LANCL1: variants seen among roughly 807,000 people sequenced by gnomAD.
The protein encoded by LANCL1 is glutathione S-transferase LANCL1.
Under a neutral mutation model 50.6 loss-of-function variants are expected in LANCL1, and 50 were observed. That is an observed-to-expected ratio of 0.99 (90% CI 0.79 to 1.25). The LOEUF is 1.25. LANCL1 is among the 50% of genes most tolerant of loss of function. LANCL1 has a pLI of 0.00. For missense variants in LANCL1, 532 were observed against 480.7 expected (o/e 1.11, Z -1.00); for synonymous variants, 188 against 178.6 (o/e 1.05, Z -0.42).
At chr2:210,464,592 AAT>A (rs1693979094) in intron 3 of LANCL1, among the ~76,000 whole-genome samples, 1 of 152,180 alleles carries the variant, frequency 6.6e-6, no homozygotes, top group Non-Finnish European at 1.5e-5. Flanking sequence ...GAATGCACAA[AAT>A]ATATATAGTT....
rs1467560081 is a variant in LANCL1 at position 210,433,000 on chromosome 2, A to T, written c.*1487T>A. On this transcript the variant is annotated 3_prime_UTR_variant, in exon 10 of 10. Transcript: ENST00000450366. Reference sequence around the variant, plus strand: ...TTGGTGCTAAACAGGAGATAATAGGAGACTGCTACCTGCAGGAACCAGTAC... The same window carrying T: ...TTGGTGCTAAACAGGAGATAATAGGTGACTGCTACCTGCAGGAACCAGTAC... The T allele has an allele frequency of 6.5e-6, 1 of 152,768 alleles. No individual in the cohort carries two copies. Among genetic ancestry groups the T allele is most frequent in the Non-Finnish European group, 1.5e-5 (1 of 68,040 alleles). The allele number at this position is 152,768 out of a possible 1,614,324, so 9.5% of individuals were successfully genotyped here.
At chr2:210,447,529 T>A (rs1170270458) in intron 4 of LANCL1, among the ~76,000 whole-genome samples, 1 of 152,184 alleles carries the variant, frequency 6.6e-6, no homozygotes, top group Non-Finnish European at 1.5e-5. Flanking sequence ...GTAAATGAGC[T>A]AAATGCCCCA....
At position 210,436,421 on chromosome 2, in the gene LANCL1, T is replaced by C. The variant is rs777941597; in HGVS notation, c.874-29A>G. On this transcript the variant is annotated intron_variant, in intron 7 of 9. Coordinates refer to ENST00000450366, the MANE Select transcript of LANCL1 (RefSeq NM_006055.3). ...CAGAGGCAAAGGACACATTTTATTA[T>C]ACGGGATATAAAAGAAAGTTCCATT... The C allele has an allele frequency of 1.2e-5, 19 of 1,599,260 alleles. No homozygotes were observed. The Admixed American group carries it at 2.8e-4, about 24-fold the overall frequency.
chr2:210,434,566 G>A lies in LANCL1; in HGVS notation c.1124-3C>T, dbSNP rs1301647204. 6.2e-6 allele frequency: 10 copies of A among 1,612,110 alleles called. No individual in the cohort carries two copies. Among genetic ancestry groups the A allele is most frequent in the Non-Finnish European group, 8.5e-6 (10 of 1,178,850 alleles). ...GAAATATATTGTTCCAGCCATTCCTGAAGAAAGAGAAAGAGGCAAAAGTTA... is the reference window on the plus strand; with the variant it reads ...GAAATATATTGTTCCAGCCATTCCTAAAGAAAGAGAAAGAGGCAAAAGTTA... On this transcript the variant is annotated splice_polypyrimidine_tract_variant and splice_region_variant and intron_variant, in intron 9 of 9. Transcript: ENST00000450366.
chr2:210,467,195 C>A (rs953741130), intron 3 of LANCL1, among the ~76,000 whole-genome samples: 1 of 152,168 alleles, frequency 6.6e-6, no homozygotes, highest in Non-Finnish European at 1.5e-5. Context: ...GACACGGATT[C>A]GTATATGGTA....
intron 4 of LANCL1, among the ~76,000 whole-genome samples, chr2:210,448,476 G>A (rs1414553230): frequency 6.6e-6 from 1 of 152,070 alleles, no homozygotes; most frequent in East Asian, 1.9e-4. Context: ...TCAAAAGCTA[G>A]CAGAAGACAA....
At position 210,433,843 on chromosome 2, in the gene LANCL1, G is replaced by GA. The variant is rs1692827874; in HGVS notation, c.*643dup. 1 of 152,118 alleles carries GA rather than the reference G, an allele frequency of 6.6e-6. No homozygotes were observed. Among genetic ancestry groups the GA allele is most frequent in the African/African-American group, 2.4e-5 (1 of 41,424 alleles). The allele number at this position is 152,118 out of a possible 1,614,324, so 9.4% of individuals were successfully genotyped here. A position where few individuals can be genotyped will look rare whatever the true frequency, so the allele number is the denominator to read the frequency against. On this transcript the variant is annotated 3_prime_UTR_variant, in exon 10 of 10. Transcript: ENST00000450366. Reference sequence around the variant, plus strand: ...TTTTTGATTAAAAATGTTGGCTTCTGAAGGCTGTATGCCTTACCGACAAAA... The same window carrying GA: ...TTTTTGATTAAAAATGTTGGCTTCTGAAAGGCTGTATGCCTTACCGACAAAA...
At chr2:210,460,902 C>A (rs896861554) in intron 3 of LANCL1, 1 of 152,136 alleles carries the variant, frequency 6.6e-6, no homozygotes, top group South Asian at 2.1e-4. Context: ...TGTGTCTTTT[C>A]TTTTCTTCTT....
In LANCL1 at chr2:210,434,065, G is replaced by A. The variant is rs1348765479; in HGVS notation, c.*422C>T. 6.6e-6 allele frequency: 1 copy of A among 152,414 alleles called. No individual in the cohort carries two copies. Among genetic ancestry groups the A allele is most frequent in the African/African-American group, 2.4e-5 (1 of 41,436 alleles). The allele number at this position is 152,414 out of a possible 1,614,324, so 9.4% of individuals were successfully genotyped here. On this transcript the variant is annotated 3_prime_UTR_variant, in exon 10 of 10. Transcript: ENST00000450366. ...GAAAATTGTCTGCCCTCCAGTTGGA[G>A]GAAAAATATTAAAGAGAAGTGAAGT...
intron 4 of LANCL1, 50 bp from the exon 5 acceptor site, chr2:210,441,493 G>A: frequency 1.3e-6 from 2 of 1,498,954 alleles, no homozygotes; most frequent in South Asian, 1.3e-5. Context: ...ACCAGGTATT[G>A]GTGTATACTT....
Position 210,431,354 on chromosome 2 carries a change from T to C in LANCL1, c.*3133A>G, listed in dbSNP as rs914943013. The C allele has an allele frequency of 6.6e-6, 1 of 152,140 alleles. No individual in the cohort carries two copies. Among genetic ancestry groups the C allele is most frequent in the African/African-American group, 2.4e-5 (1 of 41,424 alleles). The allele number at this position is 152,140 out of a possible 1,614,324, so 9.4% of individuals were successfully genotyped here. A position where few individuals can be genotyped will look rare whatever the true frequency, so the allele number is the denominator to read the frequency against. ...TTTCCCATTAAATGACAACATAACATTGGGGTAGTTTCCCTGAATATCCCA... is the reference window on the plus strand; with the variant it reads ...TTTCCCATTAAATGACAACATAACACTGGGGTAGTTTCCCTGAATATCCCA... On this transcript the variant is annotated 3_prime_UTR_variant, in exon 10 of 10. Transcript: ENST00000450366.
Position 210,441,441 on chromosome 2 carries a change from A to G in LANCL1, c.410T>C (p.Leu137Pro). ...EKQAEDCITR[L>P]IHLNKIDPHA... ...AGGATCAATCTTATTTAGGTGAATT[A>G]GCCTAAAAATAAAAATACATGCCCC... Residue 137 changes from leucine (L) to proline (P), a missense_variant and splice_region_variant, in exon 5 of 10, where the codon CTA (leucine) becomes CCA (proline). Physicochemically the swap from Leu to Pro is moderately conservative, Grantham distance 98 (BLOSUM62 -3). Transcript: ENST00000450366. 20 of 1,602,938 alleles carry G rather than the reference A, an allele frequency of 1.2e-5. No homozygotes were observed. The highest frequency in any genetic ancestry group is 1.6e-5 in the Non-Finnish European group (19 of 1,173,786).
intron 2 of LANCL1, among the ~76,000 whole-genome samples, chr2:210,472,809 A>C (rs1694262269): frequency 6.6e-6 from 1 of 152,248 alleles, no homozygotes; most frequent in Admixed American, 6.5e-5. Context: ...TTTGGGGATT[A>C]AATGAGATAG....
intron 2 of LANCL1, 132 bp from the exon 3 acceptor site, chr2:210,472,208 T>C (rs957023546): frequency 1.7e-6 from 1 of 598,878 alleles, no homozygotes. Flanking sequence ...ACTAAACAAT[T>C]TATTTTCTAT....
chr2:210,442,169 G>T (rs1270431634), intron 4 of LANCL1, among the ~76,000 whole-genome samples: 1 of 152,048 alleles, frequency 6.6e-6, no homozygotes, highest in Non-Finnish European at 1.5e-5. Context: ...CTCCCAAAGT[G>T]CTGGGATTAT....
intron 5 of LANCL1, 117 bp downstream of exon 5, chr2:210,441,183 TAGAGGTCC>T: frequency 1.0e-6 from 1 of 957,722 alleles, no homozygotes. Flanking sequence ...GCCCAACCTT[TAGAGGTCC>T]AGATACACCT....
intron 4 of LANCL1, among the ~76,000 whole-genome samples, chr2:210,452,676 A>G (rs949227333): frequency 6.6e-6 from 1 of 152,182 alleles, no homozygotes; most frequent in African/African-American, 2.4e-5. Context: ...AATATGTACT[A>G]TAGGGAAACA....
Position 210,476,236 on chromosome 2 carries a change from A to ACT in LANCL1, c.81+78_81+79dup. The ACT allele has an allele frequency of 8.5e-6, 8 of 946,074 alleles. 1 individual carries two copies. In the South Asian group the frequency reaches 1.2e-4, roughly 14 times the overall value. The allele number at this position is 946,074 out of a possible 1,614,324, so 58.6% of individuals were successfully genotyped here. ...GTATTTTTTTAAAGGGGGATGCTCAACTCTCTCAGGCAAAAATGAGCACCT... is the reference window on the plus strand; with the variant it reads ...GTATTTTTTTAAAGGGGGATGCTCAACTCTCTCTCAGGCAAAAATGAGCACCT... On this transcript the variant is annotated intron_variant, in intron 2 of 9. Coordinates refer to ENST00000450366, the MANE Select transcript of LANCL1 (RefSeq NM_006055.3).
At chr2:210,460,706 G>T (rs1334569095) in intron 3 of LANCL1, 1 of 152,186 alleles carries the variant, frequency 6.6e-6, no homozygotes, top group East Asian at 1.9e-4. Context: ...ACAATCCACT[G>T]AGTAGGACAT....
Sources: allele counts gnomAD v4.1 joint callset (sites outside exome capture counted in the v4.1 genomes callset), GRCh38; gene constraint gnomAD v4.1.1; transcripts MANE v1.5; gene names NCBI Gene and HGNC (gene_info 2026-07-23, HGNC 2026-07-21).